RGL3: variants seen among roughly 807,000 people sequenced by gnomAD.
RGL3 encodes ral guanine nucleotide dissociation stimulator like 3, also known as ral guanine nucleotide dissociation stimulator-like 3.
Under a neutral mutation model 90.6 loss-of-function variants are expected in RGL3, and 85 were observed. The ratio of observed to expected loss-of-function variants is 0.94; its 90% CI spans 0.79 to 1.12. The LOEUF (loss-of-function observed/expected upper bound fraction) is 1.12. RGL3 is among the 50% of genes most tolerant of loss of function. The pLI is 0.00. For missense variants in RGL3, 1,034 were observed against 939.2 expected (o/e 1.10, Z -1.32); for synonymous variants, 408 against 385.5 (o/e 1.06, Z -0.68).
At chr19:11,406,341 ATC>A in intron 7 of RGL3, 76 bp downstream of exon 7, 1 of 1,342,444 alleles carries the variant, frequency 7.4e-7, no homozygotes, top group Non-Finnish European at 1.0e-6. Flanking sequence ...ACTCGCCCCT[ATC>A]TCTCTCCGGA....
chr19:11,411,825 G>A lies in RGL3; in HGVS notation c.637+4112C>T, dbSNP rs139004193. The stretch of plus-strand genomic sequence containing the variant: ...ACACAAAGTTTCAACATGTTGCCCA[G>A]GCTAGTCTCAATCTCCTGGGCTCAA... On this transcript the variant is annotated intron_variant, in intron 5 of 18. Transcript: ENST00000380456. Among the ~76,000 whole-genome samples the A allele has an allele frequency of 1.9e-3, 283 of 152,236 alleles. 11 individuals carry two copies. In the East Asian group the frequency reaches 0.051, roughly 27 times the overall value.
chr19:11,418,259 C>A, intron 2 of RGL3, among the ~76,000 whole-genome samples: 1 of 132,832 alleles, frequency 7.5e-6, no homozygotes, highest in African/African-American at 2.7e-5. Context: ...CCGCCCCCGC[C>A]CCACACACTC....
rs898589140 is a variant in RGL3 at position 11,394,608 on chromosome 19, G to A, written c.2015-88C>T. On this transcript the variant is annotated intron_variant, in intron 18 of 18. Coordinates refer to ENST00000380456, the MANE Select transcript of RGL3 (RefSeq NM_001035223.4). Reference sequence around the variant, plus strand: ...CCCGGGAGCCTCCTGCCACTCACCCGCGAACCTGAACAGCCATGGGTCCCT... The same window carrying A: ...CCCGGGAGCCTCCTGCCACTCACCCACGAACCTGAACAGCCATGGGTCCCT... 4.7e-5 allele frequency: 45 copies of A among 956,848 alleles called. 1 individual carries two copies. The highest frequency in any genetic ancestry group is 4.4e-4 in the Admixed American group (25 of 56,768). The allele number at this position is 956,848 out of a possible 1,614,324, so 59.3% of individuals were successfully genotyped here. A position where few individuals can be genotyped will look rare whatever the true frequency, so the allele number is the denominator to read the frequency against.
chr19:11,405,440 G>C lies in RGL3; in HGVS notation c.997-14C>G. 1 of 1,566,458 alleles carries C rather than the reference G, an allele frequency of 6.4e-7. No homozygotes were observed. Among genetic ancestry groups the C allele is most frequent in the Non-Finnish European group, 8.7e-7 (1 of 1,156,010 alleles). On this transcript the variant is annotated splice_polypyrimidine_tract_variant and intron_variant, in intron 7 of 18. Coordinates refer to ENST00000380456, the MANE Select transcript of RGL3 (RefSeq NM_001035223.4). The stretch of plus-strand genomic sequence containing the variant: ...TTCTCGGCAGCGCTGCCAGGCGGTG[G>C]GGACGCAGGTCAGACCCAGGCATTA...
intron 5 of RGL3, among the ~76,000 whole-genome samples, chr19:11,413,709 T>TTTAA (rs200189927): frequency 1.3e-5 from 2 of 149,756 alleles, no homozygotes; most frequent in Non-Finnish European, 3.0e-5. Context: ...TTTATTTAAT[T>TTTAA]TTAATTAATT....
In RGL3 at chr19:11,397,612, G is replaced by A; in HGVS notation, c.1747-15C>T. 6 of 1,529,398 alleles carry A rather than the reference G, an allele frequency of 3.9e-6. No individual in the cohort carries two copies. The highest frequency in any genetic ancestry group is 5.3e-6 in the Non-Finnish European group (6 of 1,134,432). 94.7% of individuals were successfully genotyped at this position (1,529,398 alleles called of 1,614,324 possible). Reference sequence around the variant, plus strand: ...CTCAGGGGCAGCTGCAGGCAGTAAGGGGTGGAGGCTACAGCTTGGCCCATC... The same window carrying A: ...CTCAGGGGCAGCTGCAGGCAGTAAGAGGTGGAGGCTACAGCTTGGCCCATC... On this transcript the variant is annotated splice_polypyrimidine_tract_variant and intron_variant, in intron 16 of 18. Coordinates refer to ENST00000380456, the MANE Select transcript of RGL3 (RefSeq NM_001035223.4).
At chr19:11,396,160 T>TATATATA (rs1568334151) in intron 18 of RGL3, among the ~76,000 whole-genome samples, 1 of 27,306 alleles carries the variant, frequency 3.7e-5, no homozygotes, top group African/African-American at 2.1e-4. Flanking sequence ...ATATATATAT[T>TATATATA]TTTTTTTTTT....
rs910728570 is a variant in RGL3, at chr19:11,405,299, G to A, written c.1100+24C>T. On this transcript the variant is annotated intron_variant, in intron 8 of 18. Transcript: ENST00000380456. ...GAGGGTCAGACCTGGGATGGGCTGGGGAACAGGTCCCGCCCCAGCTCACCG... is the reference window on the plus strand; with the variant it reads ...GAGGGTCAGACCTGGGATGGGCTGGAGAACAGGTCCCGCCCCAGCTCACCG... The A allele has an allele frequency of 6.8e-6, 11 of 1,612,844 alleles. No individual in the cohort carries two copies. In the Admixed American group the frequency reaches 1.0e-4, roughly 15 times the overall value.
In RGL3 at chr19:11,405,494, C is replaced by CTTTTT. The variant is rs771398199; in HGVS notation, c.997-73_997-69dup. 252 of 163,988 alleles carry CTTTTT rather than the reference C, an allele frequency of 1.5e-3. 29 individuals carry two copies. The highest frequency in any genetic ancestry group is 2.1e-3 in the Non-Finnish European group (169 of 82,280). The allele number at this position is 163,988 out of a possible 1,614,324, so 10.2% of individuals were successfully genotyped here. On this transcript the variant is annotated intron_variant, in intron 7 of 18. Transcript: ENST00000380456. Reference sequence around the variant, plus strand: ...ACCTTTCATCCTGAAACTTCTTCATCTTTTTTTTTTTTTTTTTTTTTTTTT... The same window carrying CTTTTT: ...ACCTTTCATCCTGAAACTTCTTCATCTTTTTTTTTTTTTTTTTTTTTTTTTTTTTT...
intron 2 of RGL3, chr19:11,418,380 C>A: frequency 2.1e-6 from 1 of 470,106 alleles, no homozygotes; most frequent in Non-Finnish European, 3.8e-6. Flanking sequence ...AGCCCCGGCC[C>A]TCTAAACCTG....
At chr19:11,403,702 C>A (rs1968721482) in intron 9 of RGL3, among the ~76,000 whole-genome samples, 1 of 149,822 alleles carries the variant, frequency 6.7e-6, no homozygotes, top group Non-Finnish European at 1.5e-5. Flanking sequence ...AGCCAGACCA[C>A]CTTGGATGAG....
intron 13 of RGL3, among the ~76,000 whole-genome samples, 188 bp from the exon 14 acceptor site, chr19:11,400,485 C>G (rs1473935688): frequency 6.6e-6 from 1 of 151,964 alleles, no homozygotes; most frequent in East Asian, 1.9e-4. Context: ...AGAGATGGGA[C>G]AGGATGGCTG....
At chr19:11,412,229 G>A (rs1291155346) in intron 5 of RGL3, among the ~76,000 whole-genome samples, 4 of 146,628 alleles carry the variant, frequency 2.7e-5, no homozygotes, top group Non-Finnish European at 4.5e-5. Flanking sequence ...GAGGTGAGCT[G>A]AGATCCTGCC....
At chr19:11,405,456 C>A in intron 7 of RGL3, 30 bp from the exon 8 acceptor site, 2 of 1,379,110 alleles carry the variant, frequency 1.5e-6, no homozygotes, top group Non-Finnish European at 2.0e-6. Flanking sequence ...CAGGTCAGAC[C>A]CAGGCATTAT....
Position 11,400,609 on chromosome 19 carries a change from T to C in RGL3, c.1485-312A>G, listed in dbSNP as rs1313862788. Among the ~76,000 whole-genome samples, 16 of 151,858 alleles carry C rather than the reference T, an allele frequency of 1.1e-4. No individual in the cohort carries two copies. In the East Asian group the frequency reaches 3.1e-3, roughly 30 times the overall value. On this transcript the variant is annotated intron_variant, in intron 13 of 18. Transcript: ENST00000380456. ...GCTCACGCCTGTAATCCTAGCACTT[T>C]GGGAGGCTGAGGCGAGAGGATTGCT...
In RGL3 at chr19:11,405,353, C is replaced by T. The variant is rs768642149; in HGVS notation, c.1070G>A (p.Arg357Gln). The change falls in exon 8 of 19, where the codon CGG becomes CAG. Residue 357 changes from arginine to glutamine, a missense_variant. Physicochemically the swap from Arg to Gln is conservative, Grantham distance 43. Coordinates refer to ENST00000380456, the MANE Select transcript of RGL3 (RefSeq NM_001035223.4). ...CACTGCCCCCCAGCTGCGCTTGAGCCGGTAGATGGGGTTAGATTGCAGGGC... is the reference window on the plus strand; with the variant it reads ...CACTGCCCCCCAGCTGCGCTTGAGCTGGTAGATGGGGTTAGATTGCAGGGC... ...LSALQSNPIY[R>Q]LKRSWGAVSR... The T allele has an allele frequency of 6.2e-7, 1 of 1,612,828 alleles. No homozygotes were observed. Among genetic ancestry groups the T allele is most frequent in the Non-Finnish European group, 8.5e-7 (1 of 1,179,614 alleles).
intron 4 of RGL3, 63 bp from the exon 5 acceptor site, chr19:11,416,211 G>T (rs62131149): frequency 2.9e-6 from 3 of 1,040,350 alleles, no homozygotes; most frequent in Admixed American, 3.5e-5. Flanking sequence ...TATGACTCCT[G>T]GTACCTTTTT....
Position 11,416,862 on chromosome 19 carries a change from T to C in RGL3, c.345A>G (p.Pro115=), listed in dbSNP as rs1369477167. 5 of 1,613,560 alleles carry C rather than the reference T, an allele frequency of 3.1e-6. No homozygotes were observed. Among genetic ancestry groups the C allele is most frequent in the Non-Finnish European group, 8.5e-7 (1 of 1,179,882 alleles). ...CGGGAGGTGGGGGCGGTGGCATTGGTGGCAGCAGAAAGCCCAGCAGGCAGG... is the reference window on the plus strand; with the variant it reads ...CGGGAGGTGGGGGCGGTGGCATTGGCGGCAGCAGAAAGCCCAGCAGGCAGG... The part of the protein sequence containing the change: ...PTACLLGFLL[P]PMPPPPPPGV... The change falls in exon 3 of 19, where the codon CCA becomes CCG. Residue 115 remains proline, a synonymous_variant. Transcript: ENST00000380456.
Position 11,402,724 on chromosome 19 carries a change from CTG to C in RGL3, c.1186-20_1186-19del. 6.2e-7 allele frequency: 1 copy of C among 1,611,556 alleles called. No individual in the cohort carries two copies. Among genetic ancestry groups the C allele is most frequent in the South Asian group, 1.1e-5 (1 of 90,994 alleles). ...GCCTCCTCCTGAGGGAAGAGAAAAACTGAGCCAGGTCTGGGGTCTCCTTGGAC... is the reference window on the plus strand; with the variant it reads ...GCCTCCTCCTGAGGGAAGAGAAAAACAGCCAGGTCTGGGGTCTCCTTGGAC... On this transcript the variant is annotated intron_variant, in intron 9 of 18. Coordinates refer to ENST00000380456, the MANE Select transcript of RGL3 (RefSeq NM_001035223.4).
Sources: gnomAD v4.1 joint callset for allele counts (sites outside exome capture counted in the v4.1 genomes callset) on GRCh38, gnomAD v4.1.1 for gene constraint, MANE v1.5 for transcripts, NCBI Gene and HGNC (gene_info 2026-07-23, HGNC 2026-07-21) for gene names.